The following FOCAD variants were observed in gnomAD, a reference collection of about 807,000 sequenced individuals.
FOCAD encodes the protein KIAA1797.
FOCAD carries 198 observed loss-of-function variants against 225.6 expected under a neutral mutation model. The ratio of observed to expected loss-of-function variants is 0.88; its 90% CI spans 0.78 to 0.99. The LOEUF (loss-of-function observed/expected upper bound fraction) is 0.99. Among genes scored for constraint, FOCAD ranks in the 50% least tolerant of loss-of-function variants. The probability of loss-of-function intolerance (pLI) is 0.00; values close to 1 mark genes in which losing one functional copy is unlikely to be tolerated. For missense variants in FOCAD, 2,713 were observed against 2,123.6 expected (o/e 1.28, Z -5.46); for synonymous variants, 897 against 755.0 (o/e 1.19, Z -3.08).
intron 19 of FOCAD, among the ~76,000 whole-genome samples, chr9:20,876,041 C>T (rs1267198718): frequency 1.3e-5 from 2 of 152,298 alleles, no homozygotes; most frequent in Admixed American, 6.5e-5. Flanking sequence ...CATGGAAATT[C>T]CTGTGAAATT....
intron 1 of FOCAD, among the ~76,000 whole-genome samples, chr9:20,711,773 T>A (rs1379038901): frequency 6.6e-6 from 1 of 152,212 alleles, no homozygotes; most frequent in Non-Finnish European, 1.5e-5. Context: ...AGAGAAAGTA[T>A]GGAAGCGTTT....
At chr9:20,972,594 T>C (rs1587753675) in intron 35 of FOCAD, among the ~76,000 whole-genome samples, 1 of 152,320 alleles carries the variant, frequency 6.6e-6, no homozygotes, top group Middle Eastern at 3.4e-3. Flanking sequence ...TCCTGCTAAT[T>C]CTGCATGTGC....
At position 20,981,647 on chromosome 9, in the gene FOCAD, T is replaced by C; in HGVS notation, c.4599T>C (p.Ala1533=). The change falls in exon 38 of 44, where the codon GCT becomes GCC. Residue 1533 remains alanine, a synonymous_variant. Transcript: ENST00000338382. ...ACCTCTGGAGTCTGCTCTCTGAAGC[T>C]ACTGGGAAAATTTTTGACCTCCTGC... ...AHHLWSLLSE[A]TGKIFDLLPN... 6.2e-7 allele frequency: 1 copy of C among 1,612,096 alleles called. No individual in the cohort carries two copies. The highest frequency in any genetic ancestry group is 1.1e-5 in the South Asian group (1 of 90,706).
intron 15 of FOCAD, among the ~76,000 whole-genome samples, chr9:20,831,277 C>T (rs568673373): frequency 5.9e-5 from 9 of 152,054 alleles, no homozygotes; most frequent in East Asian, 1.9e-4. Flanking sequence ...ATTCATTCTC[C>T]GGTAGGAAGA....
chr9:20,918,855 C>T (rs1834107887), intron 24 of FOCAD, among the ~76,000 whole-genome samples: 1 of 152,048 alleles, frequency 6.6e-6, no homozygotes, highest in Non-Finnish European at 1.5e-5. Flanking sequence ...GGTGATAGAG[C>T]AGGGGAAAAA....
At chr9:20,749,101 C>A (rs190796608) in intron 5 of FOCAD, among the ~76,000 whole-genome samples, 1 of 152,032 alleles carries the variant, frequency 6.6e-6, no homozygotes, top group African/African-American at 2.4e-5. Context: ...ATGTTTCCCC[C>A]CAACCAATTA....
At chr9:20,963,987 A>G (rs1484046526) in intron 35 of FOCAD, among the ~76,000 whole-genome samples, 1 of 151,968 alleles carries the variant, frequency 6.6e-6, no homozygotes, top group Admixed American at 6.5e-5. Context: ...CCTGATACCT[A>G]ATAGATACTC....
At chr9:20,866,727 G>T (rs1428698010) in intron 17 of FOCAD, among the ~76,000 whole-genome samples, 1 of 151,036 alleles carries the variant, frequency 6.6e-6, no homozygotes, top group South Asian at 2.1e-4. Flanking sequence ...TAAATTTCTC[G>T]ATCTCTCTTT....
At chr9:20,950,884 T>A (rs919169906) in intron 33 of FOCAD, 112 bp from the exon 34 acceptor site, 4 of 826,800 alleles carry the variant, frequency 4.8e-6, no homozygotes, top group Middle Eastern at 3.0e-4. Context: ...GACTGCTCGT[T>A]GCCAGCCAAG....
chr9:20,984,029 C>G (rs1228228012), intron 39 of FOCAD, among the ~76,000 whole-genome samples: 1 of 152,208 alleles, frequency 6.6e-6, no homozygotes, highest in Non-Finnish European at 1.5e-5. Context: ...AAATACCATT[C>G]AGAACATTGT....
chr9:20,834,382 GC>G (rs1257144898), intron 15 of FOCAD, among the ~76,000 whole-genome samples: 1 of 152,028 alleles, frequency 6.6e-6, no homozygotes, highest in African/African-American at 2.4e-5. Context: ...GATCTGTGGA[GC>G]AAGCATCGCA....
intron 21 of FOCAD, among the ~76,000 whole-genome samples, chr9:20,906,122 T>C (rs1832955657): frequency 6.6e-6 from 1 of 151,972 alleles, no homozygotes; most frequent in African/African-American, 2.4e-5. Flanking sequence ...ACCTTGTATA[T>C]AGTAGGCCCT....
chr9:20,880,225 A>G (rs1456962881), intron 19 of FOCAD, among the ~76,000 whole-genome samples: 3 of 152,314 alleles, frequency 2.0e-5, no homozygotes, highest in Admixed American at 1.3e-4. Context: ...TTGTGTTGTC[A>G]AGGTTAAGGG....
rs1267760483 is a variant in FOCAD, at chr9:20,659,407, A to C, written c.-78+581A>C. On this transcript the variant is annotated intron_variant, in intron 2 of 45. Transcript: ENST00000380249. ...GAGTGACAGAGTGACTCCATCTAAA[A>C]AAAAAGAGAAAGAAAGGAGAAAGAA... Among the ~76,000 whole-genome samples, 3 of 143,498 alleles carry C rather than the reference A, an allele frequency of 2.1e-5. No homozygotes were observed. In the East Asian group the frequency reaches 5.9e-4, roughly 28 times the overall value. The allele number at this position is 143,498 out of a possible 152,430, so 94.1% of individuals were successfully genotyped here. A position where few individuals can be genotyped will look rare whatever the true frequency, so the allele number is the denominator to read the frequency against.
chr9:20,809,890 G>C (rs1031815508), intron 11 of FOCAD, among the ~76,000 whole-genome samples: 4 of 152,060 alleles, frequency 2.6e-5, no homozygotes, highest in African/African-American at 9.7e-5. Context: ...GAATACTCTA[G>C]AAGTTATTCT....
At chr9:20,765,612 CTG>C (rs2130957653) in intron 7 of FOCAD, among the ~76,000 whole-genome samples, 1 of 152,234 alleles carries the variant, frequency 6.6e-6, no homozygotes, top group South Asian at 2.1e-4. Flanking sequence ...AGGACAAGTA[CTG>C]TACATATATT....
At chr9:20,882,230 C>T (rs1457913515) in intron 20 of FOCAD, among the ~76,000 whole-genome samples, 174 bp downstream of exon 20, 2 of 152,124 alleles carry the variant, frequency 1.3e-5, no homozygotes, top group African/African-American at 2.4e-5. Context: ...GAAGCAAAGA[C>T]AAATAGATGG....
chr9:20,767,069 G>A (rs1240072657), intron 7 of FOCAD, among the ~76,000 whole-genome samples: 1 of 151,318 alleles, frequency 6.6e-6, no homozygotes. Flanking sequence ...GTGAGAATAT[G>A]TGGTGTTTGG....
chr9:20,688,033 C>T (rs1822766755), intron 1 of FOCAD, among the ~76,000 whole-genome samples: 1 of 152,166 alleles, frequency 6.6e-6, no homozygotes, highest in South Asian at 2.1e-4. Flanking sequence ...AGAAACGGGA[C>T]ATAGACCCTT....
Sources: gnomAD v4.1 joint callset for allele counts (sites outside exome capture counted in the v4.1 genomes callset) on GRCh38, gnomAD v4.1.1 for gene constraint, MANE v1.5 for transcripts, NCBI Gene and HGNC (gene_info 2026-07-23, HGNC 2026-07-21) for gene names.